Variants in AHNAK2 observed in about 807,000 individuals in gnomAD.
AHNAK2 encodes the protein AHNAK nucleoprotein 2, also known as protein AHNAK2.
In AHNAK2, 18 loss-of-function variants were observed where a neutral mutation model predicts 30.7. That is an observed-to-expected ratio of 0.59 (90% CI 0.41 to 0.87). AHNAK2 has a LOEUF of 0.87. Among genes scored for constraint, AHNAK2 ranks in the 40% least tolerant of loss-of-function variants. The pLI is 0.00. For missense variants in AHNAK2, 8,604 were observed against 7,373.0 expected, an observed-to-expected ratio of 1.17 and a Z score of -6.11; for synonymous variants, 3,590 against 3,073.8, an observed-to-expected ratio of 1.17 and a Z score of -5.56.
In AHNAK2 at chr14:104,953,213, GC is replaced by G. The variant is rs1461929452; in HGVS notation, c.2237del (p.Gly746AlafsTer21). On this transcript the variant is annotated frameshift_variant, in exon 7 of 7. Transcript: ENST00000333244. LOFTEE classifies it low-confidence loss of function (END_TRUNC). ...DGQVDVKLPEGPLPEGASLKG... is the reference protein window; with the variant it reads ...DGQVDVKLPEXPLPEGASLKG... ...TGAGGCTGGCTCCCTCGGGCAGGGG[GC>G]CCTCCGGAAGTTTCACATCCACTTG... 1 of 1,612,810 alleles carries G rather than the reference GC, an allele frequency of 6.2e-7. No individual in the cohort carries two copies. The highest frequency in any genetic ancestry group is 8.5e-7 in the Non-Finnish European group (1 of 1,179,636).
At chr14:104,970,722 C>T (rs1445637873) in intron 1 of AHNAK2, among the ~76,000 whole-genome samples, 1 of 152,178 alleles carries the variant, frequency 6.6e-6, no homozygotes, top group Admixed American at 6.5e-5. Flanking sequence ...GAGTGCCCAC[C>T]CCCAGCCTGA....
chr14:104,952,039 C>T lies in AHNAK2; in HGVS notation c.3412G>A (p.Ala1138Thr). The T allele has an allele frequency of 6.2e-7, 1 of 1,612,728 alleles. No individual in the cohort carries two copies. Among genetic ancestry groups the T allele is most frequent in the Non-Finnish European group, 8.5e-7 (1 of 1,179,616 alleles). The change falls in exon 7 of 7, where the codon GCC becomes ACC. Residue 1138 changes from alanine to threonine, a missense_variant. By Grantham distance (58) the Ala-to-Thr change is moderately conservative. Transcript: ENST00000333244. ...TCCAGCCGCGCACTGTCCAGCTTGG[C>T]TCCCGGGGCCTCGACGTCCACCTCC... ...SVEVDVEAPG[A>T]KLDSARLEGE...
rs774902580 is a variant in AHNAK2 at position 104,948,175 on chromosome 14, G to A, written c.7276C>T (p.Pro2426Ser). The change falls in exon 7 of 7, where the codon CCC becomes TCC. Residue 2426 changes from proline (P) to serine (S), a missense_variant. By Grantham distance (74) the Pro-to-Ser change is moderately conservative. Coordinates refer to ENST00000333244, the MANE Select transcript of AHNAK2 (RefSeq NM_138420.4). The stretch of plus-strand genomic sequence containing the variant: ...TTGGGGCCTTTCAGGTCCAGCTTGG[G>A]GCCCTTGACATCTATCTGGGGGCCC... ...LKGPQIDVKG[P>S]KLDLKGPKTD... is the part of the protein sequence containing the mutation. The A allele has an allele frequency of 5.0e-6, 8 of 1,612,608 alleles. No individual in the cohort carries two copies. In the Admixed American group the frequency reaches 8.3e-5, roughly 17 times the overall value.
rs199609792 is a variant in AHNAK2 at position 104,949,833 on chromosome 14, A to G, written c.5618T>C (p.Ile1873Thr). ...CACCAGGTCTGCAGAAGGGAGCGGAATGCAGAGGTCCGTGGTCTTGAGGTC... is the reference window on the plus strand; with the variant it reads ...CACCAGGTCTGCAGAAGGGAGCGGAGTGCAGAGGTCCGTGGTCTTGAGGTC... ...QGDLKTTDLC[I>T]PLPSADLVVQ... Residue 1873 changes from isoleucine (I) to threonine (T), a missense_variant, in exon 7 of 7, where the codon ATT becomes ACT. Physicochemically the swap from Ile to Thr is moderately conservative, Grantham distance 89. Coordinates refer to ENST00000333244, the MANE Select transcript of AHNAK2 (RefSeq NM_138420.4). 2.3e-4 allele frequency: 361 copies of G among 1,586,920 alleles called. 42 individuals are homozygous for G. In the African/African-American group the frequency reaches 4.5e-3, roughly 20 times the overall value.
rs540758597 is a variant in AHNAK2, at chr14:104,961,358, C to CA, written c.56-3687dup. ...TGAAACCCCGTCTCTACTAAAAATA[C>CA]AAAAAAATAGCCGGGCGAGGTGGCG... On this transcript the variant is annotated intron_variant, in intron 1 of 6. Transcript: ENST00000333244. 1.3e-4 allele frequency among the ~76,000 whole-genome samples: 19 copies of CA among 151,618 alleles called. 1 individual carries two copies. The highest frequency in any genetic ancestry group is 4.4e-4 in the African/African-American group (18 of 41,356).
In AHNAK2 at chr14:104,949,672, C is replaced by T; in HGVS notation, c.5779G>A (p.Asp1927Asn). ...PKVDLKGPQT[D>N]VKGAKLDLKG... Reference sequence around the variant, plus strand: ...AGGTCCAGCTTGGCGCCCTTAACATCTGTCTGGGGGCCCTTGAGGTCCACT... The same window carrying T: ...AGGTCCAGCTTGGCGCCCTTAACATTTGTCTGGGGGCCCTTGAGGTCCACT... Residue 1927 changes from aspartate (D) to asparagine (N), a missense_variant, in exon 7 of 7, where the codon GAT becomes AAT. By Grantham distance (23) the Asp-to-Asn change is conservative. Coordinates refer to ENST00000333244, the MANE Select transcript of AHNAK2 (RefSeq NM_138420.4). 1 of 1,587,414 alleles carries T rather than the reference C, an allele frequency of 6.3e-7. No homozygotes were observed.
chr14:104,949,517 G>C lies in AHNAK2; in HGVS notation c.5934C>G (p.Asp1978Glu). The change falls in exon 7 of 7, where the codon GAC (aspartate) becomes GAG (glutamate). Residue 1978 changes from aspartate to glutamate, a missense_variant. Coordinates refer to ENST00000333244, the MANE Select transcript of AHNAK2 (RefSeq NM_138420.4). ...TGCTGTCTTTGGCAGTCATGTCCTT[G>C]TCGGCCAGGGACAGGTCTCCCTCCA... is the stretch of plus-strand genomic sequence containing the variant. ...ARLEGDLSLA[D>E]KDMTAKDSKF... The C allele has an allele frequency of 1.3e-6, 2 of 1,588,158 alleles. No individual in the cohort carries two copies. The highest frequency in any genetic ancestry group is 1.7e-4 in the Middle Eastern group (1 of 6,036).
chr14:104,968,142 G>GC (rs1381234464), intron 1 of AHNAK2, among the ~76,000 whole-genome samples: 19 of 152,178 alleles, frequency 1.2e-4, no homozygotes, highest in Non-Finnish European at 1.5e-5. Context: ...CACTCCCCGG[G>GC]CCCCCCAGCG....
rs1300067545 is a variant in AHNAK2, at chr14:104,945,356, C to T, written c.10095G>A (p.Leu3365=). 3 of 1,612,640 alleles carry T rather than the reference C, an allele frequency of 1.9e-6. No individual in the cohort carries two copies. The African/African-American group carries it at 4.0e-5, about 22-fold the overall frequency. The change falls in exon 7 of 7, where the codon CTG becomes CTA. Residue 3365 remains leucine, a synonymous_variant. Transcript: ENST00000333244. ...CGTCCACCTGGCCAGCCTGGACCTC[C>T]AGGTCCACAGAAGGGAGCTGAATGC... ...DLSIQLPSVD[L]EVQAGQVDVK... is the part of the protein sequence containing the mutation.
In AHNAK2 at chr14:104,953,256, A is replaced by T. The variant is rs779617271; in HGVS notation, c.2195T>A (p.Leu732Gln). 6.2e-7 allele frequency: 1 copy of T among 1,612,986 alleles called. No homozygotes were observed. The highest frequency in any genetic ancestry group is 8.5e-7 in the Non-Finnish European group (1 of 1,179,670). The change falls in exon 7 of 7, where the codon CTG becomes CAG. Residue 732 changes from leucine (L) to glutamine (Q), a missense_variant. Transcript: ENST00000333244. Reference protein sequence around the residue: ...DLSVQTPSADLEVQDGQVDVK... With the variant: ...DLSVQTPSADQEVQDGQVDVK... ...ATCCACTTGGCCATCCTGGACCTCC[A>T]GGTCAGCGGAAGGGGTCTGGACGCT...
rs774328981 is a variant in AHNAK2, at chr14:104,943,908, G to A, written c.11543C>T (p.Thr3848Ile). Residue 3848 changes from threonine to isoleucine, a missense_variant, in exon 7 of 7, where the codon ACC becomes ATC. By Grantham distance (89) the Thr-to-Ile change is moderately conservative. Coordinates refer to ENST00000333244, the MANE Select transcript of AHNAK2 (RefSeq NM_138420.4). ...ATGGGGCTGAATGCTGAGGTCAGTG[G>A]TCTTGAGGTCCCCCTGCATGGAGGG... ...SLPSMQGDLK[T>I]TDLSIQPHSA... The A allele has an allele frequency of 6.2e-7, 1 of 1,613,158 alleles. No individual in the cohort carries two copies. The highest frequency in any genetic ancestry group is 1.1e-5 in the South Asian group (1 of 91,050).
intron 5 of AHNAK2, 83 bp from the exon 6 acceptor site, chr14:104,955,224 C>T (rs918734646): frequency 1.4e-6 from 2 of 1,471,066 alleles, no homozygotes; most frequent in Non-Finnish European, 1.8e-6. Flanking sequence ...CGAGGAGGGT[C>T]CCGGGGACAT....
rs764967094 is a variant in AHNAK2, at chr14:104,944,830, G to A, written c.10621C>T (p.Leu3541Phe). The change falls in exon 7 of 7, where the codon CTC becomes TTC. Residue 3541 changes from leucine to phenylalanine, a missense_variant. Physicochemically the swap from Leu to Phe is conservative, Grantham distance 22. Coordinates refer to ENST00000333244, the MANE Select transcript of AHNAK2 (RefSeq NM_138420.4). ...EVQAVQVDVELLEGPVPEGAG... is the reference protein window; with the variant it reads ...EVQAVQVDVEFLEGPVPEGAG... The stretch of plus-strand genomic sequence containing the variant: ...CCCTCGGGCACGGGGCCCTCCAGGA[G>A]TTCCACATCCACTTGGACAGCCTGG... The A allele has an allele frequency of 1.4e-5, 22 of 1,612,696 alleles. No homozygotes were observed. Among genetic ancestry groups the A allele is most frequent in the Non-Finnish European group, 1.7e-5 (20 of 1,179,552 alleles).
rs374786164 is a variant in AHNAK2, at chr14:104,952,253, G to A, written c.3198C>T (p.Leu1066=). The A allele has an allele frequency of 5.7e-5, 92 of 1,611,882 alleles. 3 individuals carry two copies. In the African/African-American group the frequency reaches 1.1e-3, roughly 20 times the overall value. ...CTCCCTCGGGCAGGTGGCCCTCCGGGAGCTTCACATCCACCTGGTCAGCCT... is the reference window on the plus strand; with the variant it reads ...CTCCCTCGGGCAGGTGGCCCTCCGGAAGCTTCACATCCACCTGGTCAGCCT... ...KVQADQVDVK[L]PEGHLPEGAG... The change falls in exon 7 of 7, where the codon CTC becomes CTT. Residue 1066 remains leucine (L), a synonymous_variant. Coordinates refer to ENST00000333244, the MANE Select transcript of AHNAK2 (RefSeq NM_138420.4).
Position 104,944,858 on chromosome 14 carries a change from C to T in AHNAK2, c.10593G>A (p.Glu3531=), listed in dbSNP as rs777353420. The T allele has an allele frequency of 1.9e-6, 3 of 1,612,978 alleles. No homozygotes were observed. In the South Asian group the frequency reaches 3.3e-5, roughly 18 times the overall value. Residue 3531 remains glutamate (E), a synonymous_variant, in exon 7 of 7, where the codon GAG becomes GAA. Coordinates refer to ENST00000333244, the MANE Select transcript of AHNAK2 (RefSeq NM_138420.4). ...CCACATCCACTTGGACAGCCTGGAC[C>T]TCCAGGTCAGCGGAAGGGGGCTGAA... ...LSIQPPSADL[E]VQAVQVDVEL...
rs772249924 is a variant in AHNAK2 at position 104,950,631 on chromosome 14, C to A, written c.4820G>T (p.Gly1607Val). 33 of 1,586,154 alleles carry A rather than the reference C, an allele frequency of 2.1e-5. 5 individuals carry two copies. Among genetic ancestry groups the A allele is most frequent in the Admixed American group, 8.7e-5 (5 of 57,430 alleles). ...DVKGPKLDLK[G>V]PKVEVTAPDV... ...GGGGGCTGTCACTTCCACCTTGGGG[C>A]CTTTCAGGTCCAGCTTGGGGCCCTT... Residue 1607 changes from glycine (G) to valine (V), a missense_variant, in exon 7 of 7, where the codon GGC (glycine) becomes GTC (valine). Transcript: ENST00000333244.
Position 104,942,297 on chromosome 14 carries a change from T to C in AHNAK2, c.13154A>G (p.Gln4385Arg), listed in dbSNP as rs1473373523. The C allele has an allele frequency of 1.2e-6, 2 of 1,613,348 alleles. No individual in the cohort carries two copies. Among genetic ancestry groups the C allele is most frequent in the South Asian group, 2.2e-5 (2 of 91,068 alleles). Residue 4385 changes from glutamine (Q) to arginine (R), a missense_variant, in exon 7 of 7, where the codon CAG becomes CGG. Coordinates refer to ENST00000333244, the MANE Select transcript of AHNAK2 (RefSeq NM_138420.4). ...AGLKGHLPKL[Q>R]MPSFKVPKVD... ...TTTGGGTACCTTGAAACTGGGCATC[T>C]GCAGCTTCGGCAGGTGCCCTTTGAG...
chr14:104,938,814 T>C lies in AHNAK2; in HGVS notation c.16637A>G (p.Glu5546Gly). Reference protein sequence around the residue: ...TTMTQHSRTQEGTEEAPIQAT... With the variant: ...TTMTQHSRTQGGTEEAPIQAT... The stretch of plus-strand genomic sequence containing the variant: ...TTGTATGGGAGCCTCTTCTGTGCCC[T>C]CCTGAGTCCTAGAGTGTTGAGTCAT... Residue 5546 changes from glutamate to glycine, a missense_variant, in exon 7 of 7, where the codon GAG (glutamate) becomes GGG (glycine). By Grantham distance (98) the Glu-to-Gly change is moderately conservative (BLOSUM62 -2). Transcript: ENST00000333244. The C allele has an allele frequency of 6.2e-7, 1 of 1,613,932 alleles. No individual in the cohort carries two copies. Among genetic ancestry groups the C allele is most frequent in the Non-Finnish European group, 8.5e-7 (1 of 1,179,874 alleles).
In AHNAK2 at chr14:104,938,188, C is replaced by T. The variant is rs1272943873; in HGVS notation, c.17263G>A (p.Gly5755Ser). The T allele has an allele frequency of 6.2e-7, 1 of 1,613,966 alleles. No homozygotes were observed. Among genetic ancestry groups the T allele is most frequent in the Admixed American group, 1.7e-5 (1 of 60,028 alleles). The change falls in exon 7 of 7, where the codon GGC becomes AGC. Residue 5755 changes from glycine to serine, a missense_variant. Gly to Ser is a moderately conservative substitution (Grantham distance 56). Coordinates refer to ENST00000333244, the MANE Select transcript of AHNAK2 (RefSeq NM_138420.4). ...KEEGELIGPV[G>S]TGLDSRVMVT... is the part of the protein sequence containing the mutation. The stretch of plus-strand genomic sequence containing the variant: ...ATCACTCTGGAGTCCAGCCCAGTGC[C>T]CACAGGCCCGATCAGTTCACCCTCT...
Sources: gnomAD v4.1 joint callset for allele counts (sites outside exome capture counted in the v4.1 genomes callset) on GRCh38, gnomAD v4.1.1 for gene constraint, MANE v1.5 for transcripts, NCBI Gene and HGNC (gene_info 2026-07-23, HGNC 2026-07-21) for gene names.